TLL1: variants seen among roughly 807,000 people sequenced by gnomAD.
The protein encoded by TLL1 is tolloid-like protein 1.
In TLL1, 49 loss-of-function variants were observed where a neutral mutation model predicts 128.2. That is an observed-to-expected ratio of 0.38 (90% CI 0.30 to 0.48). The LOEUF is 0.48. Among genes scored for constraint, TLL1 ranks in the 20% least tolerant of loss-of-function variants. The pLI is 0.96. For missense variants in TLL1, 1,123 were observed against 1,242.0 expected (o/e 0.90, Z 1.44); for synonymous variants, 454 against 418.8 (o/e 1.08, Z -1.03).
intron 7 of TLL1, among the ~76,000 whole-genome samples, chr4:166,013,355 T>A (rs1438385510): frequency 6.6e-6 from 1 of 151,866 alleles, no homozygotes; most frequent in Non-Finnish European, 1.5e-5. Context: ...CTGCTACAAA[T>A]CCAGACCTAG....
chr4:166,028,633 G>A (rs189498616), intron 9 of TLL1, among the ~76,000 whole-genome samples: 3 of 151,876 alleles, frequency 2.0e-5, no homozygotes, highest in East Asian at 3.9e-4. Flanking sequence ...GTTAATTTTT[G>A]TTTTATATAT....
At chr4:165,910,280 G>A (rs1261453522) in intron 1 of TLL1, among the ~76,000 whole-genome samples, 1 of 152,180 alleles carries the variant, frequency 6.6e-6, no homozygotes, top group African/African-American at 2.4e-5. Flanking sequence ...CTTGGGAGCA[G>A]ATGAGCTTAG....
At chr4:166,096,343 G>A (rs564104569) in intron 19 of TLL1, among the ~76,000 whole-genome samples, 2 of 148,838 alleles carry the variant, frequency 1.3e-5, no homozygotes, top group East Asian at 1.9e-4. Context: ...AAGCAAAACC[G>A]GGGGCGGGGG....
intron 1 of TLL1, among the ~76,000 whole-genome samples, chr4:165,913,528 T>C (rs9998360): frequency 0.086 from 13,148 of 152,252 alleles, 654 homozygotes; most frequent in East Asian, 0.24. Flanking sequence ...GTTGAAAATA[T>C]GTAAGTGCTG....
intron 1 of TLL1, among the ~76,000 whole-genome samples, chr4:165,943,572 T>A (rs751228453): frequency 6.6e-6 from 1 of 152,118 alleles, no homozygotes; most frequent in African/African-American, 2.4e-5. Context: ...AAAATACTCA[T>A]GCCAGGGAAT....
At chr4:165,959,737 A>T (rs1484006118) in intron 1 of TLL1, among the ~76,000 whole-genome samples, 1 of 152,160 alleles carries the variant, frequency 6.6e-6, no homozygotes, top group East Asian at 1.9e-4. Flanking sequence ...TTGCTCCTGA[A>T]TGACTTGGAT....
chr4:165,995,690 G>A (rs78365552), intron 5 of TLL1, among the ~76,000 whole-genome samples: 4,082 of 152,022 alleles, frequency 0.027, 83 homozygotes, highest in Non-Finnish European at 0.037. Flanking sequence ...ATTAACTTTG[G>A]CTTGATATGT....
At chr4:165,904,447 G>A (rs1029350404) in intron 1 of TLL1, among the ~76,000 whole-genome samples, 16 of 152,106 alleles carry the variant, frequency 1.1e-4, no homozygotes, top group Admixed American at 6.6e-4. Context: ...AAACTTTATC[G>A]ATATGAAGGG....
intron 14 of TLL1, 72 bp from the exon 15 acceptor site, chr4:166,059,956 A>G (rs1740224250): frequency 1.3e-6 from 2 of 1,573,918 alleles, no homozygotes; most frequent in African/African-American, 2.7e-5. Context: ...TTGGGTATTA[A>G]TTAATGGACA....
chr4:165,999,304 T>C (rs992904888), intron 5 of TLL1, among the ~76,000 whole-genome samples: 1 of 152,126 alleles, frequency 6.6e-6, no homozygotes, highest in African/African-American at 2.4e-5. Flanking sequence ...GGGTAATTTA[T>C]AAAGAAAAAA....
In TLL1 at chr4:166,055,103, G is replaced by A; in HGVS notation, c.1552G>A (p.Asp518Asn). ...EIERHDNCAY[D>N]YLEVRDGTSE... ...TGAAAGACATGACAATTGTGCTTAT[G>A]ACTACCTGGAAGTTAGAGATGGAAC... The change falls in exon 13 of 21, where the codon GAC becomes AAC. Residue 518 changes from aspartate (D) to asparagine (N), a missense_variant. By Grantham distance (23) the Asp-to-Asn change is conservative (BLOSUM62 1). Around this residue, in one of 3 missense-constraint regions of TLL1, gnomAD observed 634 missense variants for 672.4 expected, o/e 0.94. Transcript: ENST00000061240. 1 of 1,611,958 alleles carries A rather than the reference G, an allele frequency of 6.2e-7. No individual in the cohort carries two copies. Among genetic ancestry groups the A allele is most frequent in the Non-Finnish European group, 8.5e-7 (1 of 1,179,328 alleles).
At chr4:165,894,842 AGTGTGTGTGT>A (rs34248657) in intron 1 of TLL1, among the ~76,000 whole-genome samples, 13 of 142,018 alleles carry the variant, frequency 9.2e-5, no homozygotes, top group East Asian at 6.1e-4. Flanking sequence ...TCAAATGATG[AGTGTGTGTGT>A]GTGTGTGTGT....
chr4:165,943,931 G>C (rs1734131298), intron 1 of TLL1, among the ~76,000 whole-genome samples: 1 of 151,980 alleles, frequency 6.6e-6, no homozygotes, highest in Non-Finnish European at 1.5e-5. Flanking sequence ...CTTTGTGGTT[G>C]TACATACACA....
chr4:166,058,048 C>T (rs1485363079), intron 14 of TLL1, among the ~76,000 whole-genome samples: 2 of 152,168 alleles, frequency 1.3e-5, no homozygotes, highest in African/African-American at 4.8e-5. Flanking sequence ...TTCATCCATC[C>T]ATCCATTCAC....
chr4:165,896,122 C>T (rs1731667494), intron 1 of TLL1, among the ~76,000 whole-genome samples: 1 of 152,040 alleles, frequency 6.6e-6, no homozygotes, highest in Non-Finnish European at 1.5e-5. Context: ...GTGATGTTCC[C>T]CTCCCTGTGT....
At chr4:166,079,364 G>A (rs1040732449) in intron 18 of TLL1, among the ~76,000 whole-genome samples, 2 of 151,982 alleles carry the variant, frequency 1.3e-5, no homozygotes, top group Non-Finnish European at 2.9e-5. Flanking sequence ...TTTATATTTT[G>A]TATAAAGTAT....
At chr4:166,086,994 T>G (rs1182677752) in intron 18 of TLL1, among the ~76,000 whole-genome samples, 2 of 152,196 alleles carry the variant, frequency 1.3e-5, no homozygotes, top group Non-Finnish European at 2.9e-5. Flanking sequence ...AAAAAAAGTC[T>G]TCTTGCTAGA....
In TLL1 at chr4:166,042,085, G is replaced by A. The variant is rs758974047; in HGVS notation, c.1320G>A (p.Trp440Ter). Reference protein sequence around the residue: ...EVLTSTDSRMWIEFRSSSNWV... With the variant: ...EVLTSTDSRM ...TTACTTCTACAGACAGCAGAATGTG[G>A]ATTGAGTTTCGTAGCAGCAGTAATT... The change falls in exon 11 of 21, where the codon TGG (tryptophan) becomes TGA (stop). Residue 440 changes from tryptophan to a stop codon, truncating the protein, a stop_gained. Transcript: ENST00000061240. LOFTEE classifies it high-confidence loss of function. 6.2e-7 allele frequency: 1 copy of A among 1,612,570 alleles called. No homozygotes were observed.
intron 5 of TLL1, among the ~76,000 whole-genome samples, chr4:165,997,061 A>G (rs1003588345): frequency 6.6e-6 from 1 of 152,106 alleles, no homozygotes; most frequent in African/African-American, 2.4e-5. Context: ...TTGTATAGGA[A>G]TTGATCACTG....
Sources: gnomAD v4.1 joint callset for allele counts (sites outside exome capture counted in the v4.1 genomes callset) on GRCh38, gnomAD v4.1.1 for gene constraint, gnomAD v4.1.1 regional missense constraint, MANE v1.5 for transcripts, NCBI Gene and HGNC (gene_info 2026-07-23, HGNC 2026-07-21) for gene names.